The following MS4A4A variants were observed in gnomAD, a reference collection of about 807,000 sequenced individuals.
MS4A4A encodes membrane-spanning 4-domains subfamily A member 4A.
A neutral mutation model predicts 28.0 loss-of-function variants in MS4A4A; 26 were observed. That is an observed-to-expected ratio of 0.93 (90% CI 0.68 to 1.29). The LOEUF (loss-of-function observed/expected upper bound fraction) is 1.29. Among genes scored for constraint, MS4A4A ranks in the 50% most tolerant of loss-of-function variants. MS4A4A has a pLI of 0.00. For missense variants in MS4A4A, 290 were observed against 293.1 expected (o/e 0.99, Z 0.08); for synonymous variants, 86 against 100.8 (o/e 0.85, Z 0.88).
At chr11:60,283,015 A>G (rs1481772495) in intron 1 of MS4A4A, among the ~76,000 whole-genome samples, 1 of 152,206 alleles carries the variant, frequency 6.6e-6, no homozygotes, top group Non-Finnish European at 1.5e-5. Flanking sequence ...AGAAATACAC[A>G]GAGTTGAAAA....
At chr11:60,288,559 C>T (rs1051511271) in intron 1 of MS4A4A, among the ~76,000 whole-genome samples, 1 of 152,126 alleles carries the variant, frequency 6.6e-6, no homozygotes, top group African/African-American at 2.4e-5. Context: ...GAGGCTTGAG[C>T]TCTGGGGAGC....
intron 5 of MS4A4A, 123 bp from the exon 6 acceptor site, chr11:60,305,977 T>C (rs575415135): frequency 1.9e-4 from 135 of 714,286 alleles, no homozygotes; most frequent in Non-Finnish European, 2.2e-4. Context: ...ATGGCTGCCA[T>C]TGGGAGGCAG....
Position 60,280,667 on chromosome 11 carries a change from G to A in MS4A4A, c.-9G>A, listed in dbSNP as rs377141549. 6.2e-7 allele frequency: 1 copy of A among 1,613,378 alleles called. No individual in the cohort carries two copies. Among genetic ancestry groups the A allele is most frequent in the African/African-American group, 1.3e-5 (1 of 74,918 alleles). On this transcript the variant is annotated 5_prime_UTR_variant, in exon 1 of 7. Coordinates refer to ENST00000337908, the MANE Select transcript of MS4A4A (RefSeq NM_148975.3). Reference sequence around the variant, plus strand: ...CAAAGAACTTTGAGGAACTTGCCCAGAGCCCTGCATGCATCAGACCTACAG... The same window carrying A: ...CAAAGAACTTTGAGGAACTTGCCCAAAGCCCTGCATGCATCAGACCTACAG...
intron 2 of MS4A4A, among the ~76,000 whole-genome samples, chr11:60,294,124 G>A (rs2084881467): frequency 6.6e-6 from 1 of 152,208 alleles, no homozygotes. Flanking sequence ...GCAATTGGTA[G>A]TGCCAGTGTT....
intron 1 of MS4A4A, among the ~76,000 whole-genome samples, chr11:60,290,457 T>C (rs1257910506): frequency 6.6e-6 from 1 of 152,170 alleles, no homozygotes; most frequent in African/African-American, 2.4e-5. Flanking sequence ...TCTAATTCTG[T>C]TTGTCCAAAT....
chr11:60,282,635 A>G (rs2084764809), intron 1 of MS4A4A: 2 of 1,286,618 alleles, frequency 1.6e-6, no homozygotes, highest in East Asian at 5.6e-5. Flanking sequence ...AATGGTTTCA[A>G]TATATGCAGA....
chr11:60,282,301 C>T (rs938016851), intron 1 of MS4A4A, among the ~76,000 whole-genome samples: 1 of 152,146 alleles, frequency 6.6e-6, no homozygotes, highest in African/African-American at 2.4e-5. Flanking sequence ...TGAAGGTGTG[C>T]CTGAGAGATT....
chr11:60,287,481 A>G (rs1452937444), intron 1 of MS4A4A, among the ~76,000 whole-genome samples: 1 of 152,194 alleles, frequency 6.6e-6, no homozygotes, highest in Non-Finnish European at 1.5e-5. Flanking sequence ...TGAAGGTCCC[A>G]CCTCTTAATA....
chr11:60,307,485 G>A (rs533934284), intron 6 of MS4A4A, among the ~76,000 whole-genome samples: 2 of 152,282 alleles, frequency 1.3e-5, no homozygotes, highest in African/African-American at 4.8e-5. Flanking sequence ...TCTTTCGTAA[G>A]TTTCATGTCA....
chr11:60,284,079 A>T (rs1266867031), intron 1 of MS4A4A, among the ~76,000 whole-genome samples: 1 of 152,234 alleles, frequency 6.6e-6, no homozygotes, highest in African/African-American at 2.4e-5. Flanking sequence ...TCCATTCACC[A>T]GACTAGTTTA....
intron 3 of MS4A4A, among the ~76,000 whole-genome samples, chr11:60,299,768 C>A (rs2084936418): frequency 6.6e-6 from 1 of 152,102 alleles, no homozygotes; most frequent in Admixed American, 6.5e-5. Context: ...GCCAATAATT[C>A]TTTATATTTT....
At chr11:60,297,164 ACAAT>A (rs1367860537) in intron 2 of MS4A4A, 29 bp from the exon 3 acceptor site, 1 of 1,610,430 alleles carries the variant, frequency 6.2e-7, no homozygotes, top group South Asian at 1.1e-5. Context: ...TTTGTGGTGG[ACAAT>A]CAGTTTTTGC....
intron 5 of MS4A4A, among the ~76,000 whole-genome samples, chr11:60,305,495 C>T (rs900781133): frequency 2.0e-5 from 3 of 152,210 alleles, no homozygotes; most frequent in Non-Finnish European, 2.9e-5. Flanking sequence ...TCAAATCAAG[C>T]GATGTAGCAT....
At chr11:60,299,165 C>T (rs955094157) in intron 3 of MS4A4A, among the ~76,000 whole-genome samples, 2 of 152,080 alleles carry the variant, frequency 1.3e-5, no homozygotes, top group East Asian at 1.9e-4. Flanking sequence ...TTCCAAGGTG[C>T]CTTATTGAAT....
intron 2 of MS4A4A, among the ~76,000 whole-genome samples, chr11:60,294,451 T>C (rs2084884658): frequency 6.6e-6 from 1 of 152,198 alleles, no homozygotes; most frequent in Non-Finnish European, 1.5e-5. Context: ...CAGAACTTTT[T>C]AATTTTAAGA....
intron 3 of MS4A4A, among the ~76,000 whole-genome samples, chr11:60,298,214 A>G (rs777566296): frequency 7.9e-5 from 12 of 152,168 alleles, no homozygotes; most frequent in Non-Finnish European, 1.3e-4. Flanking sequence ...AATAAAATTT[A>G]TAAGTTGGGT....
At chr11:60,305,245 T>A (rs1182944291) in intron 5 of MS4A4A, among the ~76,000 whole-genome samples, 2 of 152,244 alleles carry the variant, frequency 1.3e-5, no homozygotes, top group East Asian at 3.9e-4. Flanking sequence ...TTCATTGTTG[T>A]ATTAGCTTCT....
At chr11:60,292,139 G>GTC (rs2084862462) in intron 1 of MS4A4A, 86 bp from the exon 2 acceptor site, 2 of 1,430,016 alleles carry the variant, frequency 1.4e-6, no homozygotes, top group East Asian at 5.1e-5. Flanking sequence ...ACCAGATTCT[G>GTC]TCCTTAGGGA....
chr11:60,298,307 T>G (rs1394664791), intron 3 of MS4A4A, among the ~76,000 whole-genome samples: 2 of 152,176 alleles, frequency 1.3e-5, no homozygotes, highest in African/African-American at 4.8e-5. Flanking sequence ...GTGTAGAGTT[T>G]TATAGAAGAG....
Sources: allele counts gnomAD v4.1 joint callset (sites outside exome capture counted in the v4.1 genomes callset), GRCh38; gene constraint gnomAD v4.1.1; transcripts MANE v1.5; gene names NCBI Gene and HGNC (gene_info 2026-07-23, HGNC 2026-07-21).